Variants in VPS51 observed in about 807,000 individuals in gnomAD.
VPS51 encodes VPS51 subunit of GARP complex, also known as vacuolar protein sorting-associated protein 51 homolog.
VPS51 carries 55 observed loss-of-function variants against 65.1 expected under a neutral mutation model. That is an observed-to-expected ratio of 0.84 (90% CI 0.68 to 1.06). VPS51 has a LOEUF of 1.06. VPS51 is among the 50% of genes least tolerant of loss of function. VPS51 has a pLI of 0.00. For synonymous variants in VPS51, 473 were observed against 489.5 expected (o/e 0.97, Z 0.44); for missense variants, 943 against 1,101.6 (o/e 0.86, Z 2.04).
chr11:65,111,263 A>C (rs1947898034), intron 9 of VPS51, 64 bp from the exon 10 acceptor site: 1 of 1,596,250 alleles, frequency 6.3e-7, no homozygotes, highest in South Asian at 1.1e-5. Flanking sequence ...CCCTGCTTGG[A>C]ACTTGGGTGT....
rs755264716 is a variant in VPS51, at chr11:65,108,761, A to G, written c.1290A>G (p.Ala430=). The G allele has an allele frequency of 9.9e-6, 16 of 1,612,130 alleles. No individual in the cohort carries two copies. The Admixed American group carries it at 2.7e-4, about 27-fold the overall frequency. The change falls in exon 5 of 10, where the codon GCA becomes GCG. Residue 430 remains alanine, a synonymous_variant. Transcript: ENST00000279281. ...TGACAGACGTCCGCCAGGCGCTGGC[A>G]GCACCTCGCGTGGCTGGGAAGGAGG... ...GCLTDVRQAL[A]APRVAGKEGP...
At position 65,107,114 on chromosome 11, in the gene VPS51, G is replaced by A. The variant is rs1166917282; in HGVS notation, c.359-467G>A. 8 of 456,678 alleles carry A rather than the reference G, an allele frequency of 1.8e-5. No individual in the cohort carries two copies. The highest frequency in any genetic ancestry group is 7.1e-5 in the Admixed American group (3 of 42,474). The allele number at this position is 456,678 out of a possible 1,614,324, so 28.3% of individuals were successfully genotyped here. A position where few individuals can be genotyped will look rare whatever the true frequency, so the allele number is the denominator to read the frequency against. On this transcript the variant is annotated intron_variant, in intron 2 of 9. Coordinates refer to ENST00000279281, the MANE Select transcript of VPS51 (RefSeq NM_013265.4). This position sits in a 1 kb window ranked among gnomAD's most constrained non-coding sequence, Gnocchi z 4.0. The stretch of plus-strand genomic sequence containing the variant: ...CTTCAGAGAAGACAGCCCATGTTCC[G>A]GAAAGCATGTGAAAGGCTTTGGGAG...
intron 2 of VPS51, among the ~76,000 whole-genome samples, chr11:65,106,289 G>A (rs1291364727): frequency 1.3e-5 from 2 of 152,158 alleles, no homozygotes; most frequent in Non-Finnish European, 2.9e-5. Flanking sequence ...CCCGAGACTA[G>A]GTAACTTATA....
Position 65,097,099 on chromosome 11 carries a change from G to T in VPS51, c.330G>T (p.Glu110Asp). 6.2e-7 allele frequency: 1 copy of T among 1,613,934 alleles called. No individual in the cohort carries two copies. Among genetic ancestry groups the T allele is most frequent in the East Asian group, 2.2e-5 (1 of 44,884 alleles). ...LDSDMQTLVY[E>D]NYNKFISATD... ...GCGACATGCAGACCCTGGTCTATGA[G>T]AACTACAACAAGTTCATCTCAGCCA... is the stretch of plus-strand genomic sequence containing the variant. The change falls in exon 2 of 10, where the codon GAG becomes GAT. Residue 110 changes from glutamate (E) to aspartate (D), a missense_variant. Coordinates refer to ENST00000279281, the MANE Select transcript of VPS51 (RefSeq NM_013265.4).
Position 65,109,303 on chromosome 11 carries a change from C to G in VPS51, c.1467C>G (p.Val489=). 6.2e-7 allele frequency: 1 copy of G among 1,612,712 alleles called. No individual in the cohort carries two copies. The highest frequency in any genetic ancestry group is 8.5e-7 in the Non-Finnish European group (1 of 1,179,454). Residue 489 remains valine, a synonymous_variant, in exon 6 of 10, where the codon GTC becomes GTG. Coordinates refer to ENST00000279281, the MANE Select transcript of VPS51 (RefSeq NM_013265.4). ...AGGGTGAGTTCTGCAGTCAGGGTGT[C>G]CGTGAGGGCCTCATCGTGGGCTTCG... ...YFRGEFCSQG[V]REGLIVGFVH...
In VPS51 at chr11:65,111,646, C is replaced by A. The variant is rs1051626885; in HGVS notation, c.*59C>A. The A allele has an allele frequency of 2.0e-6, 3 of 1,522,490 alleles. No homozygotes were observed. The highest frequency in any genetic ancestry group is 4.1e-5 in the Admixed American group (2 of 49,236). 94.3% of individuals were successfully genotyped at this position (1,522,490 alleles called of 1,614,324 possible). A position where few individuals can be genotyped will look rare whatever the true frequency, so the allele number is the denominator to read the frequency against. ...CACCCCATGGCACCCAGGATCTGGT[C>A]TCGGTGGTCCTTCCCCGCAGGCAGG... On this transcript the variant is annotated 3_prime_UTR_variant, in exon 10 of 10. Transcript: ENST00000279281.
chr11:65,109,457 T>A lies in VPS51; in HGVS notation c.1621T>A (p.Tyr541Asn). 1 of 1,608,080 alleles carries A rather than the reference T, an allele frequency of 6.2e-7. No individual in the cohort carries two copies. The highest frequency in any genetic ancestry group is 8.5e-7 in the Non-Finnish European group (1 of 1,179,990). ...CLDYETATISYILTLTDEQFL... is the reference protein window; with the variant it reads ...CLDYETATISNILTLTDEQFL... ...GGACTACGAGACGGCCACCATCTCC[T>A]ACATCCTCACTCTCACTGATGAACA... The change falls in exon 6 of 10, where the codon TAC becomes AAC. Residue 541 changes from tyrosine (Y) to asparagine (N), a missense_variant. Tyr to Asn is a moderately radical substitution (Grantham distance 143, BLOSUM62 -2). Coordinates refer to ENST00000279281, the MANE Select transcript of VPS51 (RefSeq NM_013265.4).
intron 1 of VPS51, 149 bp from the exon 2 acceptor site, chr11:65,096,849 C>G: frequency 1.6e-6 from 2 of 1,235,534 alleles, no homozygotes; most frequent in Admixed American, 4.6e-5. Context: ...CCACTTAGGG[C>G]CCCCTGCCTG....
chr11:65,111,684 C>CTT lies in VPS51; in HGVS notation c.*97_*98insTT. On this transcript the variant is annotated 3_prime_UTR_variant, in exon 10 of 10. Transcript: ENST00000279281. ...CCCCGCAGGCAGGTGTCAGGACCGG[C>CTT]CTAATAAACATGTGTGGCCTCCTCC... 4.1e-6 allele frequency: 6 copies of CTT among 1,454,926 alleles called. No homozygotes were observed. Among genetic ancestry groups the CTT allele is most frequent in the Non-Finnish European group, 5.4e-6 (6 of 1,103,372 alleles). The allele number at this position is 1,454,926 out of a possible 1,614,324, so 90.1% of individuals were successfully genotyped here. A position where few individuals can be genotyped will look rare whatever the true frequency, so the allele number is the denominator to read the frequency against.
chr11:65,107,540 A>G lies in VPS51; in HGVS notation c.359-41A>G. 6.5e-7 allele frequency: 1 copy of G among 1,548,636 alleles called. No individual in the cohort carries two copies. The highest frequency in any genetic ancestry group is 8.8e-7 in the Non-Finnish European group (1 of 1,141,042). On this transcript the variant is annotated intron_variant, in intron 2 of 9. Coordinates refer to ENST00000279281, the MANE Select transcript of VPS51 (RefSeq NM_013265.4). This position sits in a 1 kb window ranked among gnomAD's most constrained non-coding sequence, Gnocchi z 4.0. ...GGAGCTGAGGTTGCGCCCGCCCTGC[A>G]GTCACCTGCTCTCCCCTTTTCCCCG...
intron 2 of VPS51, among the ~76,000 whole-genome samples, chr11:65,100,839 C>G (rs1947803582): frequency 1.3e-5 from 2 of 152,130 alleles, no homozygotes; most frequent in Non-Finnish European, 2.9e-5. Context: ...AGCCACCATG[C>G]CTGGCCAATA....
In VPS51 at chr11:65,107,119, G is replaced by A. The variant is rs1565313453; in HGVS notation, c.359-462G>A. ...GAGAAGACAGCCCATGTTCCGGAAA[G>A]CATGTGAAAGGCTTTGGGAGGTCTG... is the stretch of plus-strand genomic sequence containing the variant. On this transcript the variant is annotated intron_variant, in intron 2 of 9. Transcript: ENST00000279281. This position sits in a 1 kb window ranked among gnomAD's most constrained non-coding sequence, Gnocchi z 4.0. The A allele has an allele frequency of 2.2e-6, 1 of 457,390 alleles. No homozygotes were observed. The highest frequency in any genetic ancestry group is 4.4e-6 in the Non-Finnish European group (1 of 227,954). The allele number at this position is 457,390 out of a possible 1,614,324, so 28.3% of individuals were successfully genotyped here.
rs1387627603 is a variant in VPS51 at position 65,096,412 on chromosome 11, G to T, written c.162G>T (p.Gly54=). The change falls in exon 1 of 10, where the codon GGG becomes GGT. Residue 54 remains glycine, a synonymous_variant. Transcript: ENST00000279281. The part of the protein sequence containing the change: ...SEGEAAGRPA[G]PDPLDPTDLN... Reference sequence around the variant, plus strand: ...GGGAGGCGGCGGGACGCCCCGCGGGGCCCGACCCCCTGGACCCGACTGATC... The same window carrying T: ...GGGAGGCGGCGGGACGCCCCGCGGGTCCCGACCCCCTGGACCCGACTGATC... 1 of 1,534,136 alleles carries T rather than the reference G, an allele frequency of 6.5e-7. No individual in the cohort carries two copies. The highest frequency in any genetic ancestry group is 2.3e-5 in the Admixed American group (1 of 43,878).
At chr11:65,103,902 G>GT (rs200634225) in intron 2 of VPS51, among the ~76,000 whole-genome samples, 2,262 of 135,052 alleles carry the variant, frequency 0.017, 41 homozygotes, top group East Asian at 0.052. Flanking sequence ...GTTTTTTTTT[G>GT]TTTTTTTTTT....
At chr11:65,096,889 G>T (rs1274286691) in intron 1 of VPS51, 109 bp from the exon 2 acceptor site, 68 of 1,487,494 alleles carry the variant, frequency 4.6e-5, no homozygotes, top group Non-Finnish European at 5.8e-5. Flanking sequence ...GGGGTTTGCG[G>T]GGTGGGTGGG....
At chr11:65,106,064 G>A (rs772667033) in intron 2 of VPS51, among the ~76,000 whole-genome samples, 1 of 152,218 alleles carries the variant, frequency 6.6e-6, no homozygotes, top group Non-Finnish European at 1.5e-5. Context: ...TCCTGTTACA[G>A]ATACACATTT....
In VPS51 at chr11:65,109,891, G is replaced by A. The variant is rs757928017; in HGVS notation, c.1846G>A (p.Val616Met). ...GAATGTGCGGGCCGTCATGAAGCGG[G>A]TGGTGGAGGATACCACCGCCATCGA... ...PRNVRAVMKR[V>M]VEDTTAIDVQ... is the part of the protein sequence containing the mutation. Residue 616 changes from valine to methionine, a missense_variant, in exon 7 of 10, where the codon GTG (valine) becomes ATG (methionine). Val to Met is a conservative substitution (Grantham distance 21). This residue lies in a region of VPS51 where 855 missense variants were observed against 953.7 expected (regional missense o/e 0.90). Transcript: ENST00000279281. 6.2e-7 allele frequency: 1 copy of A among 1,609,444 alleles called. No individual in the cohort carries two copies. The highest frequency in any genetic ancestry group is 1.7e-5 in the Admixed American group (1 of 59,678).
rs201922501 is a variant in VPS51, at chr11:65,111,623, C to T, written c.*36C>T. The T allele has an allele frequency of 8.9e-6, 14 of 1,567,880 alleles. No individual in the cohort carries two copies. In the Admixed American group the frequency reaches 2.1e-4, roughly 24 times the overall value. ...TGCCATGCACCGGTCTGTCCCTGCA[C>T]CCCATGGCACCCAGGATCTGGTCTC... On this transcript the variant is annotated 3_prime_UTR_variant, in exon 10 of 10. Transcript: ENST00000279281.
At position 65,107,751 on chromosome 11, in the gene VPS51, G is replaced by A. The variant is rs1947852701; in HGVS notation, c.505+24G>A. 1.9e-6 allele frequency: 3 copies of A among 1,605,176 alleles called. No individual in the cohort carries two copies. Among genetic ancestry groups the A allele is most frequent in the African/African-American group, 2.7e-5 (2 of 74,928 alleles). On this transcript the variant is annotated intron_variant, in intron 3 of 9. Transcript: ENST00000279281. This position sits in a 1 kb window ranked among gnomAD's most constrained non-coding sequence, Gnocchi z 4.0. ...AGGTGGGCGCTGCCGGGCAGGGCCT[G>A]CAGTGGGCCTTTCCTGGGGCTCTGG... is the stretch of plus-strand genomic sequence containing the variant.
Sources: gnomAD v4.1 joint callset for allele counts (sites outside exome capture counted in the v4.1 genomes callset) on GRCh38, gnomAD v4.1.1 for gene constraint, gnomAD v4.1.1 regional missense constraint, Gnocchi (gnomAD v3.1) non-coding constraint, MANE v1.5 for transcripts, NCBI Gene and HGNC (gene_info 2026-07-23, HGNC 2026-07-21) for gene names.